Variants in PXDC1 observed in about 807,000 individuals in gnomAD.
PXDC1 encodes PX domain-containing protein 1.
In PXDC1, 13 loss-of-function variants were observed where a neutral mutation model predicts 24.4. That is an observed-to-expected ratio of 0.53 (90% CI 0.35 to 0.85). PXDC1 has a LOEUF of 0.85. Ranked by LOEUF, PXDC1 falls within the 40% of genes least tolerant of loss-of-function variation. The probability of loss-of-function intolerance (pLI) is 0.01; values close to 1 mark genes in which losing one functional copy is unlikely to be tolerated. For synonymous variants in PXDC1, 162 were observed against 124.9 expected, an observed-to-expected ratio of 1.30 and a Z score of -1.98; for missense variants, 344 against 309.3, an observed-to-expected ratio of 1.11 and a Z score of -0.84.
rs1180480020 is a variant in PXDC1 at position 3,725,711 on chromosome 6, C to G, written c.578+1840G>C. Among the ~76,000 whole-genome samples the G allele has an allele frequency of 2.6e-5, 4 of 152,232 alleles. No individual in the cohort carries two copies. Among genetic ancestry groups the G allele is most frequent in the Non-Finnish European group, 4.4e-5 (3 of 68,038 alleles). ...TGGTCGCTGTCAACCCCCCACCCGA[C>G]AGCCGGTGCCGTGTAGAAACAGATC... On this transcript the variant is annotated intron_variant, in intron 4 of 4. Transcript: ENST00000380283. The surrounding 1 kb of genome is among the most constrained non-coding windows in gnomAD (Gnocchi z 4.8).
Position 3,737,843 on chromosome 6 carries a change from G to A in PXDC1, c.348+214C>T, listed in dbSNP as rs1412395492. On this transcript the variant is annotated intron_variant, in intron 2 of 4. Coordinates refer to ENST00000380283, the MANE Select transcript of PXDC1 (RefSeq NM_183373.4). The surrounding 1 kb of genome is among the most constrained non-coding windows in gnomAD (Gnocchi z 5.5). ...CTCTTTCCCCAGGGAGGAAAAACCG[G>A]GGCCACTGGAGCCCATGAAAGCCTT... 1 of 322,178 alleles carries A rather than the reference G, an allele frequency of 3.1e-6. No individual in the cohort carries two copies. The highest frequency in any genetic ancestry group is 4.5e-6 in the Non-Finnish European group (1 of 224,186). The allele number at this position is 322,178 out of a possible 1,614,324, so 20.0% of individuals were successfully genotyped here. A position where few individuals can be genotyped will look rare whatever the true frequency, so the allele number is the denominator to read the frequency against.
chr6:3,751,648 G>GC lies in PXDC1; in HGVS notation c.-118dup. 4 of 1,331,826 alleles carry GC rather than the reference G, an allele frequency of 3.0e-6. No individual in the cohort carries two copies. Among genetic ancestry groups the GC allele is most frequent in the Non-Finnish European group, 3.8e-6 (4 of 1,045,706 alleles). The allele number at this position is 1,331,826 out of a possible 1,614,324, so 82.5% of individuals were successfully genotyped here. On this transcript the variant is annotated 5_prime_UTR_variant, in exon 1 of 5. Coordinates refer to ENST00000380283, the MANE Select transcript of PXDC1 (RefSeq NM_183373.4). ...CCGTGGCCGGGGTCGTCCGGGGTCG[G>GC]CCCGTCACTCCAAGGAGGCTGCGTA...
chr6:3,730,051 T>A (rs938408923), intron 3 of PXDC1, among the ~76,000 whole-genome samples: 1 of 152,208 alleles, frequency 6.6e-6, no homozygotes, highest in African/African-American at 2.4e-5. Flanking sequence ...CACATACATG[T>A]GGTTTAATTA....
rs1760110851 is a variant in PXDC1, at chr6:3,728,182, G to C, written c.467-520C>G. Among the ~76,000 whole-genome samples, 1 of 152,168 alleles carries C rather than the reference G, an allele frequency of 6.6e-6. No homozygotes were observed. The highest frequency in any genetic ancestry group is 6.5e-5 in the Admixed American group (1 of 15,278). On this transcript the variant is annotated intron_variant, in intron 3 of 4. Coordinates refer to ENST00000380283, the MANE Select transcript of PXDC1 (RefSeq NM_183373.4). This position sits in a 1 kb window ranked among gnomAD's most constrained non-coding sequence, Gnocchi z 4.0. ...AGTTTTGGGGTTACAGGTGGGTCTT[G>C]GTTACACGGATAAGTTCTTTAGCGG...
intron 1 of PXDC1, among the ~76,000 whole-genome samples, chr6:3,746,695 C>T (rs1760579350): frequency 6.6e-6 from 1 of 152,130 alleles, no homozygotes; most frequent in South Asian, 2.1e-4. Context: ...TGGTGTGGCC[C>T]ATGATCATTT....
chr6:3,723,455 G>T lies in PXDC1; in HGVS notation c.*164C>A. ...TCAGCCTGGCCCACTAGGAGCCCCT[G>T]CTGCTCCACTTGCAGGACACCCAGG... On this transcript the variant is annotated 3_prime_UTR_variant, in exon 5 of 5. Coordinates refer to ENST00000380283, the MANE Select transcript of PXDC1 (RefSeq NM_183373.4). The T allele has an allele frequency of 1.5e-6, 1 of 664,950 alleles. No individual in the cohort carries two copies. The allele number at this position is 664,950 out of a possible 1,614,324, so 41.2% of individuals were successfully genotyped here.
chr6:3,751,132 T>C, intron 1 of PXDC1, 144 bp downstream of exon 1: 1 of 621,852 alleles, frequency 1.6e-6, no homozygotes, highest in Non-Finnish European at 2.5e-6. Flanking sequence ...ACCCCTCGTC[T>C]GCGGGCGCGG....
chr6:3,727,402 A>G (rs1760091963), intron 4 of PXDC1, 149 bp downstream of exon 4: 4 of 588,786 alleles, frequency 6.8e-6, no homozygotes, highest in Non-Finnish European at 1.2e-5. Flanking sequence ...TAGGAAAGGC[A>G]AACTTCTAAA....
In PXDC1 at chr6:3,723,403, G is replaced by T. The variant is rs1581237946; in HGVS notation, c.*216C>A. On this transcript the variant is annotated 3_prime_UTR_variant, in exon 5 of 5. Coordinates refer to ENST00000380283, the MANE Select transcript of PXDC1 (RefSeq NM_183373.4). ...CACAGGCCCTGTGGCCTCCGGCTGT[G>T]ACCTCAGCTTGCTGGAGACTCTGCG... 5.1e-6 allele frequency: 3 copies of T among 587,746 alleles called. No homozygotes were observed. Among genetic ancestry groups the T allele is most frequent in the Non-Finnish European group, 9.1e-6 (3 of 329,092 alleles). 36.4% of individuals were successfully genotyped at this position (587,746 alleles called of 1,614,324 possible).
rs565885512 is a variant in PXDC1, at chr6:3,725,990, G to A, written c.578+1561C>T. 2.0e-4 allele frequency among the ~76,000 whole-genome samples: 30 copies of A among 151,564 alleles called. No individual in the cohort carries two copies. The East Asian group carries it at 4.7e-3, about 24-fold the overall frequency. ...CTCCTGTGCACATGCAGTCAGTCCC[G>A]GGCAGCTGCAAGAGCCACACCTCTG... On this transcript the variant is annotated intron_variant, in intron 4 of 4. Coordinates refer to ENST00000380283, the MANE Select transcript of PXDC1 (RefSeq NM_183373.4). This position sits in a 1 kb window ranked among gnomAD's most constrained non-coding sequence, Gnocchi z 4.8.
chr6:3,738,651 A>G, intron 1 of PXDC1: 1 of 479,906 alleles, frequency 2.1e-6, no homozygotes, highest in Non-Finnish European at 3.4e-6. Flanking sequence ...CAAGTTCACA[A>G]GGAAAAAAGT....
rs1247477698 is a variant in PXDC1 at position 3,751,397 on chromosome 6, C to G, written c.135G>C (p.Trp45Cys). The G allele has an allele frequency of 6.4e-7, 1 of 1,573,252 alleles. No homozygotes were observed. The highest frequency in any genetic ancestry group is 1.8e-5 in the Admixed American group (1 of 54,650). Reference sequence around the variant, plus strand: ...GCAGGTAGAGCACGCTGCGGTCCGACCACTCCGTGCGGATCTCGAAGAACT... The same window carrying G: ...GCAGGTAGAGCACGCTGCGGTCCGAGCACTCCGTGCGGATCTCGAAGAACT... ...EEEFFEIRTE[W>C]SDRSVLYLHR... The change falls in exon 1 of 5, where the codon TGG becomes TGC. Residue 45 changes from tryptophan to cysteine, a missense_variant. Physicochemically the swap from Trp to Cys is radical, Grantham distance 215. Transcript: ENST00000380283.
At chr6:3,742,689 C>T (rs72847740) in intron 1 of PXDC1, among the ~76,000 whole-genome samples, 52 of 152,318 alleles carry the variant, frequency 3.4e-4, no homozygotes, top group Non-Finnish European at 6.2e-4. Context: ...ATCACTAATA[C>T]AACCTCAACT....
In PXDC1 at chr6:3,725,709, G is replaced by A. The variant is rs887232923; in HGVS notation, c.578+1842C>T. 1.2e-4 allele frequency among the ~76,000 whole-genome samples: 19 copies of A among 152,168 alleles called. No homozygotes were observed. Among genetic ancestry groups the A allele is most frequent in the Middle Eastern group, 3.2e-3 (1 of 316 alleles). On this transcript the variant is annotated intron_variant, in intron 4 of 4. Coordinates refer to ENST00000380283, the MANE Select transcript of PXDC1 (RefSeq NM_183373.4). This position sits in a 1 kb window ranked among gnomAD's most constrained non-coding sequence, Gnocchi z 4.8. ...CTTGGTCGCTGTCAACCCCCCACCC[G>A]ACAGCCGGTGCCGTGTAGAAACAGA...
chr6:3,723,875 C>T, intron 4 of PXDC1, 139 bp from the exon 5 acceptor site: 1 of 667,074 alleles, frequency 1.5e-6, no homozygotes. Context: ...AACTGGTGAG[C>T]TGGCTCCTGC....
chr6:3,734,261 G>A (rs1462325571), intron 3 of PXDC1, among the ~76,000 whole-genome samples: 2 of 152,150 alleles, frequency 1.3e-5, no homozygotes, highest in Non-Finnish European at 2.9e-5. Flanking sequence ...AGCATGTGCC[G>A]GGCACTGTGC....
At chr6:3,730,122 C>T (rs1760161778) in intron 3 of PXDC1, among the ~76,000 whole-genome samples, 1 of 152,156 alleles carries the variant, frequency 6.6e-6, no homozygotes, top group Non-Finnish European at 1.5e-5. Context: ...CCTGCATGGA[C>T]CTTGCTGTCT....
chr6:3,736,439 T>C (rs540845355), intron 3 of PXDC1, among the ~76,000 whole-genome samples: 8 of 152,208 alleles, frequency 5.3e-5, no homozygotes, highest in African/African-American at 1.7e-4. Flanking sequence ...TGATTGCCAC[T>C]TGCTTGGGAA....
chr6:3,739,682 G>A (rs1012138698), intron 1 of PXDC1, among the ~76,000 whole-genome samples: 4 of 152,346 alleles, frequency 2.6e-5, no homozygotes, highest in Non-Finnish European at 5.9e-5. Context: ...CACACGCCGG[G>A]GCAAGCAGGG....
Sources: allele counts gnomAD v4.1 joint callset (sites outside exome capture counted in the v4.1 genomes callset), GRCh38; gene constraint gnomAD v4.1.1; non-coding constraint Gnocchi (gnomAD v3.1); transcripts MANE v1.5; gene names NCBI Gene and HGNC (gene_info 2026-07-23, HGNC 2026-07-21).